The following OCA2 variants were observed in gnomAD, a reference collection of about 807,000 sequenced individuals.
The protein encoded by OCA2 is P protein.
A neutral mutation model predicts 100.2 loss-of-function variants in OCA2; 77 were observed. The observed-to-expected ratio is 0.77, with a 90% CI of 0.64 to 0.93. The LOEUF is 0.93. Among genes scored for constraint, OCA2 ranks in the 40% least tolerant of loss-of-function variants. OCA2 has a pLI of 0.00. For synonymous variants in OCA2, 432 were observed against 439.2 expected (o/e 0.98, Z 0.21); for missense variants, 1,062 against 1,089.1 (o/e 0.98, Z 0.35).
At chr15:27,800,406 T>C (rs1225055784) in intron 23 of OCA2, among the ~76,000 whole-genome samples, 3 of 152,298 alleles carry the variant, frequency 2.0e-5, no homozygotes, top group Admixed American at 6.5e-5. Flanking sequence ...CATTTGTTTT[T>C]GTTTTCAGAA....
At chr15:28,001,959 G>A (rs778005595) in intron 9 of OCA2, among the ~76,000 whole-genome samples, 2 of 152,168 alleles carry the variant, frequency 1.3e-5, no homozygotes, top group Non-Finnish European at 2.9e-5. Flanking sequence ...CCGGGCTCAC[G>A]GCACTCTGCA....
At chr15:28,066,455 C>T (rs1401732234) in intron 2 of OCA2, among the ~76,000 whole-genome samples, 5 of 152,058 alleles carry the variant, frequency 3.3e-5, no homozygotes, top group Non-Finnish European at 5.9e-5. Flanking sequence ...ACTCTCCTCC[C>T]GTTGGAATTC....
chr15:28,011,673 T>C (rs146495721), intron 9 of OCA2, among the ~76,000 whole-genome samples: 2,047 of 152,002 alleles, frequency 0.013, 41 homozygotes, highest in African/African-American at 0.047. Flanking sequence ...CCCAGAACTT[T>C]GGGAGGCTGA....
At chr15:27,860,406 T>C (rs2036087375) in intron 21 of OCA2, among the ~76,000 whole-genome samples, 1 of 152,236 alleles carries the variant, frequency 6.6e-6, no homozygotes, top group African/African-American at 2.4e-5. Context: ...ACCCAAGCAG[T>C]GAGCATAGTA....
intron 23 of OCA2, among the ~76,000 whole-genome samples, chr15:27,831,264 G>A (rs972455929): frequency 2.5e-4 from 28 of 113,026 alleles, no homozygotes; most frequent in Non-Finnish European, 2.3e-4. Flanking sequence ...CCAGCCTGGT[G>A]ACAGAGCGAG....
the OCA2 span, among the ~76,000 whole-genome samples, chr15:27,749,463 C>G: frequency 6.6e-6 from 1 of 152,026 alleles, no homozygotes; most frequent in African/African-American, 2.4e-5. Flanking sequence ...AATGAATGGC[C>G]AAATTCTTTC....
chr15:27,950,332 G>A (rs115622619), intron 18 of OCA2, among the ~76,000 whole-genome samples: 1,540 of 152,258 alleles, frequency 0.01, 27 homozygotes, highest in African/African-American at 0.035. Context: ...TGGTGACCAC[G>A]TAACATTCTT....
intron 23 of OCA2, among the ~76,000 whole-genome samples, chr15:27,813,199 C>A: frequency 6.6e-6 from 1 of 152,032 alleles, no homozygotes; most frequent in African/African-American, 2.4e-5. Flanking sequence ...TCCACCACAG[C>A]TCCTGGACCA....
chr15:27,955,091 A>G (rs2140666407), intron 17 of OCA2, 67 bp downstream of exon 17: 2 of 1,109,036 alleles, frequency 1.8e-6, no homozygotes, highest in East Asian at 4.7e-5. Flanking sequence ...GAGGGAAGGA[A>G]AAGGCATCAC....
At position 27,997,861 on chromosome 15, in the gene OCA2, T is replaced by C. The variant is rs2041801044; in HGVS notation, c.1045-7214A>G. Among the ~76,000 whole-genome samples the C allele has an allele frequency of 1.5e-5, 2 of 130,636 alleles. 1 individual carries two copies. The highest frequency in any genetic ancestry group is 3.6e-5 in the Non-Finnish European group (2 of 55,804). 85.7% of individuals were successfully genotyped at this position (130,636 alleles called of 152,430 possible). On this transcript the variant is annotated intron_variant, in intron 9 of 23. Transcript: ENST00000354638. Reference sequence around the variant, plus strand: ...TATTCTCTTTTATTTCATTGAGCAGTGATTTGTAGTTCTCCTTGAAGAGGT... The same window carrying C: ...TATTCTCTTTTATTTCATTGAGCAGCGATTTGTAGTTCTCCTTGAAGAGGT...
chr15:27,882,175 G>C (rs1210083539), intron 19 of OCA2, among the ~76,000 whole-genome samples: 1 of 152,166 alleles, frequency 6.6e-6, no homozygotes, highest in Non-Finnish European at 1.5e-5. Context: ...GGTTTTGAGT[G>C]AGTTTCTTAT....
intron 15 of OCA2, among the ~76,000 whole-genome samples, chr15:27,959,843 C>T (rs1487313529): frequency 6.6e-6 from 1 of 152,200 alleles, no homozygotes; most frequent in Non-Finnish European, 1.5e-5. Flanking sequence ...CTGCTCCACT[C>T]AGATCAACCC....
chr15:27,863,909 T>C (rs1426308670), intron 21 of OCA2, among the ~76,000 whole-genome samples: 1 of 152,244 alleles, frequency 6.6e-6, no homozygotes, highest in African/African-American at 2.4e-5. Context: ...ATTTGTTGTA[T>C]TGTGTCGGTG....
At chr15:27,888,348 A>G (rs1050610517) in intron 19 of OCA2, among the ~76,000 whole-genome samples, 1 of 152,224 alleles carries the variant, frequency 6.6e-6, no homozygotes, top group African/African-American at 2.4e-5. Flanking sequence ...GTTATTTATG[A>G]CTCAGAGTCT....
intron 19 of OCA2, among the ~76,000 whole-genome samples, chr15:27,893,313 T>C (rs545627207): frequency 3.9e-5 from 6 of 152,320 alleles, no homozygotes; most frequent in African/African-American, 1.2e-4. Flanking sequence ...ACTGTGATAA[T>C]TGTGTTAACT....
Position 27,990,657 on chromosome 15 carries a change from A to C in OCA2, c.1045-10T>G. 1.2e-6 allele frequency: 2 copies of C among 1,613,570 alleles called. No individual in the cohort carries two copies. The highest frequency in any genetic ancestry group is 1.7e-6 in the Non-Finnish European group (2 of 1,179,666). On this transcript the variant is annotated splice_polypyrimidine_tract_variant and intron_variant, in intron 9 of 23. Transcript: ENST00000354638. Reference sequence around the variant, plus strand: ...GAGTTCTGTGCACGATCTGGAAAGAAGCACAGGAAATTACCGCGTTCCAGT... The same window carrying C: ...GAGTTCTGTGCACGATCTGGAAAGACGCACAGGAAATTACCGCGTTCCAGT...
chr15:27,899,230 A>G (rs1273136085), intron 19 of OCA2, among the ~76,000 whole-genome samples: 1 of 152,220 alleles, frequency 6.6e-6, no homozygotes, highest in African/African-American at 2.4e-5. Flanking sequence ...CCTCTCTAAT[A>G]GACTGAGTTT....
At chr15:27,782,830 G>A (rs1187845799) in intron 23 of OCA2, among the ~76,000 whole-genome samples, 4 of 152,130 alleles carry the variant, frequency 2.6e-5, no homozygotes, top group African/African-American at 9.7e-5. Flanking sequence ...TCCCCATAGG[G>A]GCTCTAAAGT....
At chr15:28,096,910 A>ACGCGCAGCCGGG (rs2141984452) in intron 1 of OCA2, among the ~76,000 whole-genome samples, 1 of 151,928 alleles carries the variant, frequency 6.6e-6, no homozygotes, top group South Asian at 2.1e-4. Flanking sequence ...GCGCCAGCAA[A>ACGCGCAGCCGGG]CGCGCAGCCG....
Sources: gnomAD v4.1 joint callset for allele counts (sites outside exome capture counted in the v4.1 genomes callset) on GRCh38, gnomAD v4.1.1 for gene constraint, MANE v1.5 for transcripts, NCBI Gene and HGNC (gene_info 2026-07-23, HGNC 2026-07-21) for gene names.